GP2: variants seen among roughly 807,000 people sequenced by gnomAD.
GP2 encodes pancreatic secretory granule membrane major glycoprotein GP2.
In GP2, 58 loss-of-function variants were observed where a neutral mutation model predicts 60.8. That is an observed-to-expected ratio of 0.95 (90% CI 0.77 to 1.19). The LOEUF is 1.19. GP2 is among the 50% of genes most tolerant of loss of function. GP2 has a pLI of 0.00. For synonymous variants in GP2, 280 were observed against 253.4 expected, an observed-to-expected ratio of 1.10 and a Z score of -1.00; for missense variants, 647 against 667.4, an observed-to-expected ratio of 0.97 and a Z score of 0.34.
In GP2 at chr16:20,324,123, T is replaced by C; in HGVS notation, c.228A>G (p.Thr76=). The C allele has an allele frequency of 6.2e-7, 1 of 1,614,064 alleles. No individual in the cohort carries two copies. Among genetic ancestry groups the C allele is most frequent in the Non-Finnish European group, 8.5e-7 (1 of 1,179,868 alleles). ...ACCCCTGGGACCCTGCTGAGTTCTC[T>C]GTGCTTCGGAAGGGTTCATCCAGGA... The part of the protein sequence containing the change: ...YTLLDEPFRS[T]ENSAGSQGCD... Residue 76 remains threonine, a synonymous_variant, in exon 3 of 11, where the codon ACA becomes ACG. Transcript: ENST00000302555.
chr16:20,323,052 C>G (rs993866648), intron 3 of GP2, 73 bp from the exon 4 acceptor site: 1 of 790,176 alleles, frequency 1.3e-6, no homozygotes, highest in Non-Finnish European at 2.2e-6. Context: ...AAGTCCAACC[C>G]TTTCATTTCA....
At chr16:20,318,552 A>G (rs1285839258) in intron 6 of GP2, 122 bp from the exon 7 acceptor site, 5 of 836,026 alleles carry the variant, frequency 6.0e-6, no homozygotes, top group Non-Finnish European at 9.6e-6. Context: ...TGAACTAGTC[A>G]ATCAGTCGTT....
At position 20,320,382 on chromosome 16, in the gene GP2, C is replaced by T. The variant is rs368403835; in HGVS notation, c.738G>A (p.Gly246=). Reference sequence around the variant, plus strand: ...CTCGCAGGTAGGCAATGACCTCCTCCCCCAAACCCAGGCCTCCCAGCAAAC... The same window carrying T: ...CTCGCAGGTAGGCAATGACCTCCTCTCCCAAACCCAGGCCTCCCAGCAAAC... ...DKCLLGGLGL[G]EEVIAYLRDP... is the part of the protein sequence containing the mutation. The change falls in exon 5 of 11, where the codon GGG becomes GGA. Residue 246 remains glycine, a synonymous_variant. Coordinates refer to ENST00000302555, the MANE Select transcript of GP2 (RefSeq NM_001502.4). 1 of 1,613,454 alleles carries T rather than the reference C, an allele frequency of 6.2e-7. No individual in the cohort carries two copies. Among genetic ancestry groups the T allele is most frequent in the Non-Finnish European group, 8.5e-7 (1 of 1,179,474 alleles).
At position 20,314,744 on chromosome 16, in the gene GP2, C is replaced by T. The variant is rs760102470; in HGVS notation, c.1502-43G>A. 2.3e-6 allele frequency: 3 copies of T among 1,325,070 alleles called. No homozygotes were observed. The African/African-American group carries it at 4.3e-5, about 19-fold the overall frequency. 82.1% of individuals were successfully genotyped at this position (1,325,070 alleles called of 1,614,324 possible). On this transcript the variant is annotated intron_variant, in intron 9 of 10. Transcript: ENST00000302555. ...AGGGGTGGGTTTCCTCAGTCATGCT[C>T]CAGTGACTGCAACACTGTGGCCATA...
chr16:20,322,827 GC>G (rs1421587046), intron 4 of GP2, 41 bp downstream of exon 4: 4 of 1,075,304 alleles, frequency 3.7e-6, no homozygotes, highest in Non-Finnish European at 1.4e-6. Context: ...CTCCTGCCCT[GC>G]CCCCTCAGGA....
Position 20,320,414 on chromosome 16 carries a change from C to T in GP2, c.706G>A (p.Asp236Asn), listed in dbSNP as rs746285981. 3.7e-6 allele frequency: 6 copies of T among 1,613,930 alleles called. No homozygotes were observed. The highest frequency in any genetic ancestry group is 1.3e-5 in the African/African-American group (1 of 74,916). The change falls in exon 5 of 11, where the codon GAC (aspartate) becomes AAC (asparagine). Residue 236 changes from aspartate (D) to asparagine (N), a missense_variant. Coordinates refer to ENST00000302555, the MANE Select transcript of GP2 (RefSeq NM_001502.4). ...CCCAGGCCTCCCAGCAAACATTTGT[C>T]CACCTTCACCTTGATCTCCCTGGGC... ...CGPREIKVKV[D>N]KCLLGGLGLG...
At chr16:20,316,084 T>G in intron 8 of GP2, 44 bp from the exon 9 acceptor site, 1 of 1,271,442 alleles carries the variant, frequency 7.9e-7, no homozygotes, top group Non-Finnish European at 1.2e-6. Flanking sequence ...TTTAAATGCC[T>G]GGATTCTATC....
intron 2 of GP2, among the ~76,000 whole-genome samples, chr16:20,324,880 A>AT (rs1964489508): frequency 6.6e-6 from 1 of 152,230 alleles, no homozygotes; most frequent in Non-Finnish European, 1.5e-5. Context: ...TGGCTAGGTC[A>AT]TTCTTCACTG....
chr16:20,320,280 G>T lies in GP2; in HGVS notation c.840C>A (p.Ala280=), dbSNP rs1299036460. Residue 280 remains alanine, a synonymous_variant, in exon 5 of 11, where the codon GCC becomes GCA. Coordinates refer to ENST00000302555, the MANE Select transcript of GP2 (RefSeq NM_001502.4). ...VSVTSPVQAS[A]CRNILERNQT... ...CACTTACCTCCAGAATGTTCCTGCA[G>T]GCACTAGCCTGGACGGGGCTGGTCA... The T allele has an allele frequency of 6.2e-7, 1 of 1,613,388 alleles. No individual in the cohort carries two copies. The highest frequency in any genetic ancestry group is 8.5e-7 in the Non-Finnish European group (1 of 1,179,322).
intron 2 of GP2, 56 bp from the exon 3 acceptor site, chr16:20,324,312 A>AT (rs1964466847): frequency 9.3e-6 from 11 of 1,183,958 alleles, no homozygotes; most frequent in Admixed American, 6.2e-5. Flanking sequence ...AACCTACAGG[A>AT]TTTTTTCCCC....
Position 20,315,735 on chromosome 16 carries a change from T to G in GP2, c.1501+221A>C, listed in dbSNP as rs55772293. 1.6e-4 allele frequency among the ~76,000 whole-genome samples: 25 copies of G among 152,340 alleles called. 1 individual carries two copies. In the South Asian group the frequency reaches 5.0e-3, roughly 30 times the overall value. On this transcript the variant is annotated intron_variant, in intron 9 of 10. Transcript: ENST00000302555. The stretch of plus-strand genomic sequence containing the variant: ...CATAGGCATGGGAGGATTAAGTGAA[T>G]TGATGGATGCAAGAGCTTAGCCTGG...
intron 10 of GP2, among the ~76,000 whole-genome samples, chr16:20,312,184 G>A (rs1964012704): frequency 6.6e-6 from 1 of 152,166 alleles, no homozygotes; most frequent in Admixed American, 6.5e-5. Flanking sequence ...TGTGTACTCA[G>A]TTTCAGTGAA....
intron 2 of GP2, among the ~76,000 whole-genome samples, chr16:20,325,924 T>G (rs900239915): frequency 1.5e-4 from 23 of 152,208 alleles, no homozygotes; most frequent in African/African-American, 5.5e-4. Flanking sequence ...TGCACTCTAA[T>G]TCTAAGCCTG....
At chr16:20,316,182 A>G (rs1964160704) in intron 8 of GP2, 142 bp from the exon 9 acceptor site, 2 of 561,906 alleles carry the variant, frequency 3.6e-6, no homozygotes, top group African/African-American at 3.8e-5. Context: ...TGCTGTGGTT[A>G]TCTCAATCTA....
At chr16:20,324,327 T>A (rs1438981277) in intron 2 of GP2, 71 bp from the exon 3 acceptor site, 1 of 993,794 alleles carries the variant, frequency 1.0e-6, no homozygotes, top group Non-Finnish European at 1.5e-6. Flanking sequence ...TTCCCCTCCA[T>A]GCTCTATTTT....
rs1168436524 is a variant in GP2 at position 20,324,120 on chromosome 16, C to T, written c.231G>A (p.Glu77=). ...TLLDEPFRST[E]NSAGSQGCDK... ...CGCACCCCTGGGACCCTGCTGAGTT[C>T]TCTGTGCTTCGGAAGGGTTCATCCA... is the stretch of plus-strand genomic sequence containing the variant. Residue 77 remains glutamate (E), a synonymous_variant, in exon 3 of 11, where the codon GAG becomes GAA. Coordinates refer to ENST00000302555, the MANE Select transcript of GP2 (RefSeq NM_001502.4). 2 of 1,614,120 alleles carry T rather than the reference C, an allele frequency of 1.2e-6. No individual in the cohort carries two copies. Among genetic ancestry groups the T allele is most frequent in the Admixed American group, 3.3e-5 (2 of 60,030 alleles).
At chr16:20,313,775 C>T (rs531023058) in intron 10 of GP2, among the ~76,000 whole-genome samples, 143 of 152,332 alleles carry the variant, frequency 9.4e-4, no homozygotes, top group Non-Finnish European at 1.5e-3. Context: ...AAGGTGCCAG[C>T]TTTCGGGAAT....
chr16:20,322,250 T>C (rs1739452684), intron 4 of GP2, among the ~76,000 whole-genome samples: 1 of 152,202 alleles, frequency 6.6e-6, no homozygotes, highest in Admixed American at 6.5e-5. Flanking sequence ...AGTTCAGTGA[T>C]GGAGGGAAAT....
chr16:20,323,324 T>C (rs2141608593), intron 3 of GP2: 1 of 716,760 alleles, frequency 1.4e-6, no homozygotes, highest in Non-Finnish European at 2.6e-6. Flanking sequence ...TCTGTGATAC[T>C]AGGAGAGCCC....
Sources: gnomAD v4.1 joint callset for allele counts (sites outside exome capture counted in the v4.1 genomes callset) on GRCh38, gnomAD v4.1.1 for gene constraint, MANE v1.5 for transcripts, NCBI Gene and HGNC (gene_info 2026-07-23, HGNC 2026-07-21) for gene names.